Variants in CNOT6L observed in about 807,000 individuals in gnomAD.
CNOT6L encodes CCR4-NOT transcription complex subunit 6-like.
A neutral mutation model predicts 64.0 loss-of-function variants in CNOT6L; 7 were observed. That is an observed-to-expected ratio of 0.11 (90% CI 0.06 to 0.21). The LOEUF (loss-of-function observed/expected upper bound fraction) is 0.21, where lower values mean the gene tolerates loss of function less well. CNOT6L is among the 10% of genes least tolerant of loss of function. The pLI, the probability that CNOT6L is intolerant of heterozygous loss-of-function variation, is 1.00. For missense variants in CNOT6L, 245 were observed against 669.0 expected, an observed-to-expected ratio of 0.37 and a Z score of 6.99; for synonymous variants, 193 against 243.4, an observed-to-expected ratio of 0.79 and a Z score of 1.93.
intron 1 of CNOT6L, among the ~76,000 whole-genome samples, chr4:77,795,783 T>C (rs1004759757): frequency 6.6e-6 from 1 of 152,120 alleles, no homozygotes; most frequent in African/African-American, 2.4e-5. Context: ...GAGACTGGAC[T>C]AATACACCAG....
At chr4:77,767,575 T>C (rs1357742829) in intron 4 of CNOT6L, among the ~76,000 whole-genome samples, 1 of 151,382 alleles carries the variant, frequency 6.6e-6, no homozygotes, top group African/African-American at 2.4e-5. Flanking sequence ...TACTGATCAC[T>C]GAGAAAAGGA....
intron 5 of CNOT6L, among the ~76,000 whole-genome samples, chr4:77,756,579 T>C (rs1166322566): frequency 3.3e-5 from 5 of 152,354 alleles, no homozygotes; most frequent in African/African-American, 9.6e-5. Flanking sequence ...ATTACTTTAG[T>C]CTCTGAATCT....
At chr4:77,743,308 T>TA (rs1456536133) in intron 7 of CNOT6L, among the ~76,000 whole-genome samples, 3 of 152,124 alleles carry the variant, frequency 2.0e-5, no homozygotes, top group Non-Finnish European at 4.4e-5. Context: ...TTCAAACTGC[T>TA]ATATTTAGGA....
intron 1 of CNOT6L, among the ~76,000 whole-genome samples, chr4:77,817,172 G>A (rs974201706): frequency 6.6e-6 from 1 of 151,350 alleles, no homozygotes; most frequent in African/African-American, 2.4e-5. Flanking sequence ...GCTACAAAAC[G>A]AAAATCATAA....
In CNOT6L at chr4:77,738,762, A is replaced by AAAC. The variant is rs1560580238; in HGVS notation, c.872+3378_872+3379insGTT. Among the ~76,000 whole-genome samples, 2 of 151,888 alleles carry AAAC rather than the reference A, an allele frequency of 1.3e-5. 1 individual carries two copies. Among genetic ancestry groups the AAAC allele is most frequent in the East Asian group, 3.9e-4 (2 of 5,190 alleles). On this transcript the variant is annotated intron_variant, in intron 8 of 11. Coordinates refer to ENST00000504123, the MANE Select transcript of CNOT6L (RefSeq NM_144571.3). The stretch of plus-strand genomic sequence containing the variant: ...GAGTGAAACTCCGTCTCAAAAAAAA[A>AAAC]AAAAAAAAATGTATTTACAACTCAG...
At chr4:77,794,375 T>C (rs1730554206) in intron 1 of CNOT6L, among the ~76,000 whole-genome samples, 1 of 151,952 alleles carries the variant, frequency 6.6e-6, no homozygotes, top group African/African-American at 2.4e-5. Flanking sequence ...AAATAAAGTC[T>C]TTTTTGAAGT....
intron 10 of CNOT6L, among the ~76,000 whole-genome samples, chr4:77,728,630 A>T (rs1722132927): frequency 6.6e-6 from 1 of 152,210 alleles, no homozygotes. Flanking sequence ...TAAATCCCCT[A>T]GTGGCAGAGT....
intron 1 of CNOT6L, among the ~76,000 whole-genome samples, chr4:77,813,286 A>G (rs574789822): frequency 3.8e-5 from 2 of 52,466 alleles, no homozygotes; most frequent in South Asian, 1.1e-3. Context: ...TAGATTAGAT[A>G]TATTAGATAG....
At chr4:77,732,440 T>C (rs1464129699) in intron 8 of CNOT6L, among the ~76,000 whole-genome samples, 1 of 152,026 alleles carries the variant, frequency 6.6e-6, no homozygotes, top group South Asian at 2.1e-4. Context: ...AGAGAAGACA[T>C]AGTCTTGTAA....
intron 1 of CNOT6L, among the ~76,000 whole-genome samples, chr4:77,801,849 T>C (rs1349751847): frequency 6.6e-6 from 1 of 152,172 alleles, no homozygotes; most frequent in Non-Finnish European, 1.5e-5. Flanking sequence ...TGGTCACATC[T>C]GTGAATAGCC....
intron 4 of CNOT6L, among the ~76,000 whole-genome samples, chr4:77,760,859 GCTTTTTTT>G (rs1726132467): frequency 5.4e-5 from 2 of 37,170 alleles, no homozygotes; most frequent in African/African-American, 1.8e-4. Flanking sequence ...ACCATGCCTG[GCTTTTTTT>G]TTTTTTTTTT....
chr4:77,816,155 CTAAA>C (rs1372485175), intron 1 of CNOT6L, among the ~76,000 whole-genome samples: 1 of 152,094 alleles, frequency 6.6e-6, no homozygotes, highest in Admixed American at 6.5e-5. Flanking sequence ...TTCCTTTAGT[CTAAA>C]TAATAACCTT....
rs1720843114 is a variant in CNOT6L at position 77,717,306 on chromosome 4, G to A, written c.*3125C>T. 1 of 152,516 alleles carries A rather than the reference G, an allele frequency of 6.6e-6. No homozygotes were observed. The highest frequency in any genetic ancestry group is 1.5e-5 in the Non-Finnish European group (1 of 68,008). 9.4% of individuals were successfully genotyped at this position (152,516 alleles called of 1,614,324 possible). A position where few individuals can be genotyped will look rare whatever the true frequency, so the allele number is the denominator to read the frequency against. The stretch of plus-strand genomic sequence containing the variant: ...AGCTATGAGGTGGATACTGATGCCT[G>A]AGAGAGTGGGTGACTTGACATGCAC... On this transcript the variant is annotated 3_prime_UTR_variant, in exon 12 of 12. Coordinates refer to ENST00000504123, the MANE Select transcript of CNOT6L (RefSeq NM_144571.3).
At chr4:77,817,407 A>T (rs1165201971) in intron 1 of CNOT6L, among the ~76,000 whole-genome samples, 2 of 152,156 alleles carry the variant, frequency 1.3e-5, no homozygotes, top group African/African-American at 4.8e-5. Context: ...CTAAATAATT[A>T]ATCATATTTG....
chr4:77,783,430 A>C (rs965794460), intron 1 of CNOT6L, among the ~76,000 whole-genome samples: 1 of 152,246 alleles, frequency 6.6e-6, no homozygotes, highest in Admixed American at 6.5e-5. Flanking sequence ...TTTGCTTTTC[A>C]ATAATTCTGC....
intron 5 of CNOT6L, among the ~76,000 whole-genome samples, chr4:77,756,606 A>G (rs1577953010): frequency 6.6e-6 from 1 of 152,198 alleles, no homozygotes; most frequent in Non-Finnish European, 1.5e-5. Context: ...TTGCATCTCT[A>G]AACTGTGAGT....
intron 8 of CNOT6L, among the ~76,000 whole-genome samples, chr4:77,740,047 T>C (rs1252303773): frequency 6.6e-6 from 1 of 151,672 alleles, no homozygotes; most frequent in African/African-American, 2.4e-5. Flanking sequence ...TAAGCTATGG[T>C]GTTTCAAGGG....
intron 1 of CNOT6L, among the ~76,000 whole-genome samples, chr4:77,784,183 C>G (rs1729192543): frequency 1.3e-5 from 2 of 152,188 alleles, no homozygotes; most frequent in South Asian, 4.1e-4. Flanking sequence ...AATACAATTC[C>G]TTTTCTGCAT....
chr4:77,772,347 C>A (rs1050746192), intron 4 of CNOT6L, among the ~76,000 whole-genome samples: 4 of 152,122 alleles, frequency 2.6e-5, no homozygotes, highest in African/African-American at 9.7e-5. Flanking sequence ...ATTTTCCAGA[C>A]CCCCAAGTAG....
Sources: allele counts gnomAD v4.1 joint callset (sites outside exome capture counted in the v4.1 genomes callset), GRCh38; gene constraint gnomAD v4.1.1; transcripts MANE v1.5; gene names NCBI Gene and HGNC (gene_info 2026-07-23, HGNC 2026-07-21).